The following ZNF141 variants were observed in gnomAD, a reference collection of about 807,000 sequenced individuals.
ZNF141 encodes the protein zinc finger protein 141 (clone pHZ-44).
A neutral mutation model predicts 11.3 loss-of-function variants in ZNF141; 7 were observed. The observed-to-expected ratio is 0.62, with a 90% CI of 0.35 to 1.16. ZNF141 has a LOEUF of 1.16. ZNF141 is among the 50% of genes most tolerant of loss of function. The pLI, the probability that ZNF141 is intolerant of heterozygous loss-of-function variation, is 0.02. For missense variants in ZNF141, 535 were observed against 554.0 expected (o/e 0.97, Z 0.34); for synonymous variants, 183 against 190.7 (o/e 0.96, Z 0.33).
rs1261234447 is a variant in ZNF141, at chr4:365,152, A to G, written c.227-7512A>G. On this transcript the variant is annotated intron_variant, in intron 3 of 3. Coordinates refer to ENST00000240499, the MANE Select transcript of ZNF141 (RefSeq NM_003441.4). ...ACCTGGCAAGCCAGGCGTGGGATATAATCTCCTGGTGTGCCGTTTGCTAAG... is the reference window on the plus strand; with the variant it reads ...ACCTGGCAAGCCAGGCGTGGGATATGATCTCCTGGTGTGCCGTTTGCTAAG... Among the ~76,000 whole-genome samples the G allele has an allele frequency of 2.6e-5, 4 of 152,168 alleles. No individual in the cohort carries two copies. The South Asian group carries it at 6.2e-4, about 24-fold the overall frequency.
intron 3 of ZNF141, among the ~76,000 whole-genome samples, chr4:368,493 C>T (rs373488564): frequency 6.8e-4 from 104 of 152,330 alleles, no homozygotes; most frequent in South Asian, 3.1e-3. Context: ...CCACCTGTCT[C>T]GGCCTCCCAA....
chr4:360,215 T>A (rs1722043031), intron 3 of ZNF141, among the ~76,000 whole-genome samples: 1 of 152,168 alleles, frequency 6.6e-6, no homozygotes, highest in South Asian at 2.1e-4. Context: ...CTGTAGAAAG[T>A]GTGGGTAGGG....
In ZNF141 at chr4:378,937, C is replaced by T. The variant is rs981977751; in HGVS notation, c.*5075C>T. Among the ~76,000 whole-genome samples, 12 of 146,870 alleles carry T rather than the reference C, an allele frequency of 8.2e-5. No individual in the cohort carries two copies. Among genetic ancestry groups the T allele is most frequent in the Admixed American group, 2.8e-4 (4 of 14,318 alleles). On this transcript the variant is annotated 3_prime_UTR_variant, in exon 4 of 4. Coordinates refer to ENST00000240499, the MANE Select transcript of ZNF141 (RefSeq NM_003441.4). ...TCAGCTCATTGCAACCTCCACCTCT[C>T]GGGTTCAAGCAATTCTCCTGCCTCA...
chr4:381,946 CTTTTTT>C lies in ZNF141; in HGVS notation c.*8098_*8103del, dbSNP rs34905613. Among the ~76,000 whole-genome samples, 1 of 105,938 alleles carries C rather than the reference CTTTTTT, an allele frequency of 9.4e-6. No homozygotes were observed. The highest frequency in any genetic ancestry group is 4.5e-5 in the African/African-American group (1 of 22,412). 69.5% of individuals were successfully genotyped at this position (105,938 alleles called of 152,430 possible). A position where few individuals can be genotyped will look rare whatever the true frequency, so the allele number is the denominator to read the frequency against. Reference sequence around the variant, plus strand: ...CTAGGGCCACCACCATCTCTGGGAACTTTTTTTTTTTTTTTTTTTGAGACGGAGTCT... The same window carrying C: ...CTAGGGCCACCACCATCTCTGGGAACTTTTTTTTTTTTTGAGACGGAGTCT... On this transcript the variant is annotated 3_prime_UTR_variant, in exon 4 of 4. Coordinates refer to ENST00000240499, the MANE Select transcript of ZNF141 (RefSeq NM_003441.4).
intron 1 of ZNF141, chr4:338,452 GAA>G (rs1553847930): frequency 6.0e-6 from 1 of 167,710 alleles, no homozygotes; most frequent in East Asian, 1.9e-4. Context: ...GGTCTTGAAG[GAA>G]AAGCTTTTGT....
In ZNF141 at chr4:374,215, G is replaced by A. The variant is rs1553854235; in HGVS notation, c.*353G>A. Reference sequence around the variant, plus strand: ...CATGCTGGAGGGAAGCCCTACACATGTGGCAGAATGTGGCAAAGCATTTAA... The same window carrying A: ...CATGCTGGAGGGAAGCCCTACACATATGGCAGAATGTGGCAAAGCATTTAA... On this transcript the variant is annotated 3_prime_UTR_variant, in exon 4 of 4. Coordinates refer to ENST00000240499, the MANE Select transcript of ZNF141 (RefSeq NM_003441.4). The A allele has an allele frequency of 2.0e-5, 6 of 304,372 alleles. No homozygotes were observed. The highest frequency in any genetic ancestry group is 3.8e-5 in the Non-Finnish European group (6 of 157,366). 18.9% of individuals were successfully genotyped at this position (304,372 alleles called of 1,614,324 possible).
In ZNF141 at chr4:347,339, GTT is replaced by G. The variant is rs572417264; in HGVS notation, c.226+2926_226+2927del. On this transcript the variant is annotated intron_variant, in intron 3 of 3. Transcript: ENST00000240499. ...GGAGTGAGACACCACGCCCGGCCAA[GTT>G]TTTTTTTTTTTTTTTTGAGACTGAG... 5.4e-3 allele frequency among the ~76,000 whole-genome samples: 631 copies of G among 116,210 alleles called. 1 individual carries two copies. The highest frequency in any genetic ancestry group is 6.8e-3 in the Non-Finnish European group (387 of 56,898). 76.2% of individuals were successfully genotyped at this position (116,210 alleles called of 152,430 possible). A position where few individuals can be genotyped will look rare whatever the true frequency, so the allele number is the denominator to read the frequency against.
At chr4:354,730 A>G (rs1486221209) in intron 3 of ZNF141, among the ~76,000 whole-genome samples, 1 of 151,998 alleles carries the variant, frequency 6.6e-6, no homozygotes, top group Non-Finnish European at 1.5e-5. Context: ...ATTTTTATAT[A>G]TTATGATTCT....
At position 373,279 on chromosome 4, in the gene ZNF141, A is replaced by G. The variant is rs1391430949; in HGVS notation, c.842A>G (p.Lys281Arg). The G allele has an allele frequency of 6.2e-7, 1 of 1,613,958 alleles. No individual in the cohort carries two copies. The highest frequency in any genetic ancestry group is 8.5e-7 in the Non-Finnish European group (1 of 1,180,010). The change falls in exon 4 of 4, where the codon AAA becomes AGA. Residue 281 changes from lysine (K) to arginine (R), a missense_variant. Physicochemically the swap from Lys to Arg is conservative, Grantham distance 26 (BLOSUM62 2). Transcript: ENST00000240499. The part of the protein sequence containing the change: ...TKHKRIHAGE[K>R]PITCEECRKI... ...CATAAGAGAATTCATGCTGGAGAGA[A>G]ACCCATCACATGTGAAGAATGTAGG...
intron 3 of ZNF141, among the ~76,000 whole-genome samples, chr4:367,138 G>C (rs1711783045): frequency 6.6e-6 from 1 of 151,706 alleles, no homozygotes; most frequent in Non-Finnish European, 1.5e-5. Flanking sequence ...TTCTTTTTTT[G>C]AGATCTGGAA....
intron 1 of ZNF141, 178 bp downstream of exon 1, chr4:338,164 C>A: frequency 1.4e-6 from 1 of 714,572 alleles, no homozygotes; most frequent in East Asian, 3.2e-5. Flanking sequence ...CGGCTCTGGC[C>A]CAGCCTGCAG....
chr4:360,154 A>C (rs1391458160), intron 3 of ZNF141, among the ~76,000 whole-genome samples: 5 of 152,200 alleles, frequency 3.3e-5, no homozygotes, highest in Non-Finnish European at 7.3e-5. Flanking sequence ...ATGGATTCCA[A>C]AGTTGCCGTA....
In ZNF141 at chr4:358,776, A is replaced by G. The variant is rs527488051; in HGVS notation, c.227-13888A>G. 7.2e-5 allele frequency among the ~76,000 whole-genome samples: 11 copies of G among 151,956 alleles called. No individual in the cohort carries two copies. In the East Asian group the frequency reaches 1.2e-3, roughly 16 times the overall value. On this transcript the variant is annotated intron_variant, in intron 3 of 3. Coordinates refer to ENST00000240499, the MANE Select transcript of ZNF141 (RefSeq NM_003441.4). ...TATTTTTAGTAGAGACGGTTTCACC[A>G]TGTTGGCCAGGATGGTCACGATCTC...
rs1003314458 is a variant in ZNF141 at position 373,573 on chromosome 4, C to G, written c.1136C>G (p.Ser379Cys). The G allele has an allele frequency of 2.5e-6, 4 of 1,613,818 alleles. No individual in the cohort carries two copies. Among genetic ancestry groups the G allele is most frequent in the Non-Finnish European group, 3.4e-6 (4 of 1,179,918 alleles). Residue 379 changes from serine (S) to cysteine (C), a missense_variant, in exon 4 of 4, where the codon TCC (serine) becomes TGC (cysteine). Transcript: ENST00000240499. The part of the protein sequence containing the change: ...CDECGKAFGR[S>C]RVLNEHKKIH... ...GAATGTGGCAAAGCCTTTGGACGGTCCAGGGTCCTGAATGAACATAAAAAA... is the reference window on the plus strand; with the variant it reads ...GAATGTGGCAAAGCCTTTGGACGGTGCAGGGTCCTGAATGAACATAAAAAA...
At chr4:341,308 G>A (rs779784022) in intron 1 of ZNF141, among the ~76,000 whole-genome samples, 25 of 151,962 alleles carry the variant, frequency 1.6e-4, no homozygotes, top group Admixed American at 8.5e-4. Context: ...TGATCCACCC[G>A]CCTCAGCCTC....
At chr4:351,236 CTT>C (rs869153709) in intron 3 of ZNF141, among the ~76,000 whole-genome samples, 25 of 134,868 alleles carry the variant, frequency 1.9e-4, no homozygotes, top group East Asian at 2.1e-4. Flanking sequence ...CCAGTTAAAC[CTT>C]TTTTTTTTTT....
chr4:373,651 G>C lies in ZNF141; in HGVS notation c.1214G>C (p.Arg405Thr). ...TGTGAAGAATGTGGCAAAGCCTTTAGACGGTCCACAGATCGGAGTCAACAT... is the reference window on the plus strand; with the variant it reads ...TGTGAAGAATGTGGCAAAGCCTTTACACGGTCCACAGATCGGAGTCAACAT... Reference protein sequence around the residue: ...YKCEECGKAFRRSTDRSQHKK... With the variant: ...YKCEECGKAFTRSTDRSQHKK... The change falls in exon 4 of 4, where the codon AGA (arginine) becomes ACA (threonine). Residue 405 changes from arginine (R) to threonine (T), a missense_variant. Transcript: ENST00000240499. 6.2e-7 allele frequency: 1 copy of C among 1,613,416 alleles called. No homozygotes were observed. The highest frequency in any genetic ancestry group is 8.5e-7 in the Non-Finnish European group (1 of 1,179,850).
rs376907557 is a variant in ZNF141 at position 379,460 on chromosome 4, C to T, written c.*5598C>T. Among the ~76,000 whole-genome samples the T allele has an allele frequency of 1.5e-4, 23 of 152,270 alleles. No individual in the cohort carries two copies. In the South Asian group the frequency reaches 2.5e-3, roughly 16 times the overall value. On this transcript the variant is annotated 3_prime_UTR_variant, in exon 4 of 4. Transcript: ENST00000240499. ...TGCGATCTCAGCTCACTGCAACCTC[C>T]GCCTCTCAGGTTCAGGCGATTCTCC...
At chr4:345,348 G>C (rs182060538) in intron 3 of ZNF141, among the ~76,000 whole-genome samples, 1 of 152,036 alleles carries the variant, frequency 6.6e-6, no homozygotes, top group Non-Finnish European at 1.5e-5. Flanking sequence ...GTATAAACTC[G>C]TTTGTAATGT....
Sources: gnomAD v4.1 joint callset for allele counts (sites outside exome capture counted in the v4.1 genomes callset) on GRCh38, gnomAD v4.1.1 for gene constraint, MANE v1.5 for transcripts, NCBI Gene and HGNC (gene_info 2026-07-23, HGNC 2026-07-21) for gene names.